Variants in DOP1B observed in about 807,000 individuals in gnomAD.
DOP1B encodes DOP1 leucine zipper like protein B.
A neutral mutation model predicts 233.5 loss-of-function variants in DOP1B; 174 were observed. The ratio of observed to expected loss-of-function variants is 0.75; its 90% CI spans 0.66 to 0.85. The LOEUF is 0.85. Ranked by LOEUF, DOP1B falls within the 40% of genes least tolerant of loss-of-function variation. The pLI, the probability that DOP1B is intolerant of heterozygous loss-of-function variation, is 0.00. For missense variants in DOP1B, 2,652 were observed against 2,846.6 expected (o/e 0.93, Z 1.56); for synonymous variants, 1,190 against 1,185.6 (o/e 1.00, Z -0.08).
At chr21:36,231,161 T>C in intron 14 of DOP1B, 27 bp downstream of exon 14, 2 of 1,551,400 alleles carry the variant, frequency 1.3e-6, no homozygotes, top group South Asian at 1.2e-5. Context: ...CCGAAGTCCC[T>C]CTTTGGGAAT....
At chr21:36,276,995 A>C (rs1330288948) in intron 27 of DOP1B, 26 bp from the exon 28 acceptor site, 5 of 1,613,190 alleles carry the variant, frequency 3.1e-6, no homozygotes, top group African/African-American at 1.3e-5. Context: ...CATAGTTAAC[A>C]TACAAATGGC....
At position 36,212,101 on chromosome 21, in the gene DOP1B, C is replaced by T. The variant is rs376753497; in HGVS notation, c.904+4C>T. The T allele has an allele frequency of 3.7e-6, 6 of 1,603,194 alleles. No homozygotes were observed. Among genetic ancestry groups the T allele is most frequent in the African/African-American group, 1.3e-5 (1 of 74,220 alleles). ...AGACTGTATGCATGGTTACTAGGTA[C>T]TGAGCAGTATACACCCTTTTAAAGT... is the stretch of plus-strand genomic sequence containing the variant. On this transcript the variant is annotated splice_donor_region_variant and intron_variant, in intron 7 of 36. Transcript: ENST00000691173.
intron 21 of DOP1B, among the ~76,000 whole-genome samples, chr21:36,249,401 C>T (rs1311680283): frequency 2.0e-5 from 3 of 152,180 alleles, no homozygotes; most frequent in Non-Finnish European, 2.9e-5. Flanking sequence ...GCACTCAAGC[C>T]TGGGTGACAG....
intron 24 of DOP1B, chr21:36,261,204 A>C (rs1350372797): frequency 2.3e-6 from 2 of 861,512 alleles, no homozygotes; most frequent in African/African-American, 3.7e-5. Context: ...ATCTCTACTA[A>C]AAATACAAAA....
chr21:36,201,463 G>T (rs970634426), intron 4 of DOP1B, among the ~76,000 whole-genome samples: 1 of 144,288 alleles, frequency 6.9e-6, no homozygotes, highest in Non-Finnish European at 1.5e-5. Flanking sequence ...TTCTCCCGCC[G>T]CAGCCTCCCA....
At chr21:36,282,064 A>G (rs2146250044) in intron 32 of DOP1B, among the ~76,000 whole-genome samples, 1 of 152,288 alleles carries the variant, frequency 6.6e-6, no homozygotes, top group South Asian at 2.1e-4. Flanking sequence ...ACTTGTTAAA[A>G]CAAGTATTCT....
chr21:36,205,782 G>C (rs2066419499), intron 4 of DOP1B, among the ~76,000 whole-genome samples: 1 of 151,836 alleles, frequency 6.6e-6, no homozygotes, highest in African/African-American at 2.4e-5. Flanking sequence ...GAGGCGGGGG[G>C]TTACCTGAGC....
At chr21:36,175,150 G>A (rs1442391642) in intron 2 of DOP1B, among the ~76,000 whole-genome samples, 1 of 147,032 alleles carries the variant, frequency 6.8e-6, no homozygotes, top group Admixed American at 6.9e-5. Flanking sequence ...TCACTTTGTT[G>A]CCCAGGCTGG....
At chr21:36,250,746 G>T (rs1319442437) in intron 21 of DOP1B, among the ~76,000 whole-genome samples, 1 of 152,202 alleles carries the variant, frequency 6.6e-6, no homozygotes, top group African/African-American at 2.4e-5. Context: ...AAGCCCTTCC[G>T]CAGCAGATGG....
At chr21:36,220,588 T>C (rs2066612790) in intron 10 of DOP1B, among the ~76,000 whole-genome samples, 1 of 151,612 alleles carries the variant, frequency 6.6e-6, no homozygotes, top group Non-Finnish European at 1.5e-5. Context: ...GCAGCCTCAG[T>C]CTCCTGGGCT....
chr21:36,202,043 C>G (rs893680353), intron 4 of DOP1B, among the ~76,000 whole-genome samples: 1 of 151,974 alleles, frequency 6.6e-6, no homozygotes, highest in Non-Finnish European at 1.5e-5. Context: ...AAAAATTAGC[C>G]GGACATGGTG....
chr21:36,208,389 G>A (rs577886599), intron 4 of DOP1B, among the ~76,000 whole-genome samples: 17 of 152,266 alleles, frequency 1.1e-4, no homozygotes, highest in Admixed American at 9.8e-4. Flanking sequence ...CCTCCCTTCC[G>A]TGAGCACCTA....
In DOP1B at chr21:36,290,737, C is replaced by T. The variant is rs368357045; in HGVS notation, c.6516-1367C>T. On this transcript the variant is annotated intron_variant, in intron 35 of 36. Transcript: ENST00000691173. ...CCTGGGAGGCAGAGGTTGCAGTGAG[C>T]CAAGATCATGCCATCTGCCATTGCA... Among the ~76,000 whole-genome samples the T allele has an allele frequency of 5.9e-5, 9 of 151,670 alleles. No homozygotes were observed. In the South Asian group the frequency reaches 1.9e-3, roughly 32 times the overall value.
At chr21:36,170,702 G>A (rs2065964778) in intron 2 of DOP1B, 1 of 151,722 alleles carries the variant, frequency 6.6e-6, no homozygotes, top group Admixed American at 6.6e-5. Flanking sequence ...GGCTGAAGTA[G>A]GAGGATCGCT....
At chr21:36,175,298 A>G (rs1350966553) in intron 2 of DOP1B, among the ~76,000 whole-genome samples, 4 of 151,630 alleles carry the variant, frequency 2.6e-5, no homozygotes, top group Non-Finnish European at 5.9e-5. Flanking sequence ...TTTAGTAGAG[A>G]TGTGGTTTCA....
At chr21:36,227,241 T>C (rs193162085) in intron 12 of DOP1B, among the ~76,000 whole-genome samples, 6 of 147,926 alleles carry the variant, frequency 4.1e-5, no homozygotes, top group South Asian at 2.1e-4. Flanking sequence ...TAAAATAAAA[T>C]AAAATAAAAA....
rs80233063 is a variant in DOP1B at position 36,226,296 on chromosome 21, CT to C, written c.1473+642del. On this transcript the variant is annotated intron_variant, in intron 12 of 36. Transcript: ENST00000691173. ...TTTTCTTTTCTCTGTCTCTCTCTCT[CT>C]TTTTTTTTTTTTCTCCTGTGACAGA... is the stretch of plus-strand genomic sequence containing the variant. Among the ~76,000 whole-genome samples the C allele has an allele frequency of 1.2e-3, 170 of 137,560 alleles. 1 individual carries two copies. The highest frequency in any genetic ancestry group is 3.7e-3 in the Middle Eastern group (1 of 270). The allele number at this position is 137,560 out of a possible 152,430, so 90.2% of individuals were successfully genotyped here.
intron 1 of DOP1B, among the ~76,000 whole-genome samples, chr21:36,162,602 G>A (rs1448659169): frequency 1.3e-5 from 2 of 151,976 alleles, no homozygotes; most frequent in African/African-American, 4.8e-5. Flanking sequence ...GTACAGTGGC[G>A]CAGTCTCACC....
chr21:36,172,845 G>A (rs986629796), intron 2 of DOP1B, among the ~76,000 whole-genome samples: 4 of 152,134 alleles, frequency 2.6e-5, no homozygotes, highest in Admixed American at 1.3e-4. Context: ...TGGGCGGGGC[G>A]CAGTAGCTCA....
Sources: allele counts gnomAD v4.1 joint callset (sites outside exome capture counted in the v4.1 genomes callset), GRCh38; gene constraint gnomAD v4.1.1; transcripts MANE v1.5; gene names NCBI Gene and HGNC (gene_info 2026-07-23, HGNC 2026-07-21).